The following MSH4 variants were observed in gnomAD, a reference collection of about 807,000 sequenced individuals.
MSH4 encodes mutS homolog 4.
A neutral mutation model predicts 113.7 loss-of-function variants in MSH4; 106 were observed. The ratio of observed to expected loss-of-function variants is 0.93; its 90% CI spans 0.80 to 1.10. MSH4 has a LOEUF of 1.10. Ranked by LOEUF, MSH4 falls within the 50% of genes least tolerant of loss-of-function variation. The probability of loss-of-function intolerance (pLI) is 0.00; values close to 1 mark genes in which losing one functional copy is unlikely to be tolerated. For missense variants in MSH4, 1,061 were observed against 1,093.7 expected, an observed-to-expected ratio of 0.97 and a Z score of 0.42; for synonymous variants, 368 against 380.2, an observed-to-expected ratio of 0.97 and a Z score of 0.37.
chr1:75,801,011 C>A (rs1262697484), intron 1 of MSH4, among the ~76,000 whole-genome samples: 1 of 152,058 alleles, frequency 6.6e-6, no homozygotes, highest in Non-Finnish European at 1.5e-5. Context: ...CTTTATTGAA[C>A]AATGCAGGTA....
chr1:75,854,269 A>T (rs1432995372), intron 8 of MSH4, among the ~76,000 whole-genome samples: 1 of 151,796 alleles, frequency 6.6e-6, no homozygotes, highest in Non-Finnish European at 1.5e-5. Flanking sequence ...TATATTCAGG[A>T]GGAATACCAA....
chr1:75,810,836 C>G, intron 4 of MSH4, 29 bp downstream of exon 4: 1 of 1,025,224 alleles, frequency 9.8e-7, no homozygotes, highest in South Asian at 1.6e-5. Context: ...TTGTAACATT[C>G]AAGATCTAAT....
At chr1:75,889,449 T>C (rs914711384) in intron 16 of MSH4, 80 bp downstream of exon 16, 2 of 645,906 alleles carry the variant, frequency 3.1e-6, no homozygotes, top group African/African-American at 3.8e-5. Context: ...AATATTTTTA[T>C]ACTAAAATAT....
intron 7 of MSH4, 136 bp downstream of exon 7, chr1:75,822,717 A>G (rs1650449440): frequency 2.2e-6 from 1 of 461,920 alleles, no homozygotes; most frequent in Non-Finnish European, 3.6e-6. Flanking sequence ...TATTTTCCTG[A>G]AATTTTCTAC....
chr1:75,836,939 A>G (rs1340487932), intron 7 of MSH4, among the ~76,000 whole-genome samples: 1 of 152,142 alleles, frequency 6.6e-6, no homozygotes, highest in Non-Finnish European at 1.5e-5. Context: ...CCAAATTTAC[A>G]TCTCATGCCT....
rs1652235525 is a variant in MSH4, at chr1:75,890,814, T to C, written c.2345T>C (p.Leu782Pro). The change falls in exon 17 of 20, where the codon CTG becomes CCG. Residue 782 changes from leucine (L) to proline (P), a missense_variant. Coordinates refer to ENST00000263187, the MANE Select transcript of MSH4 (RefSeq NM_002440.4). The part of the protein sequence containing the change: ...GICYAVCEYL[L>P]SLKAFTLFAT... Reference sequence around the variant, plus strand: ...TGTTATGCTGTTTGTGAATATCTACTGAGCTTAAAGGTATTCTTTTATTTT... The same window carrying C: ...TGTTATGCTGTTTGTGAATATCTACCGAGCTTAAAGGTATTCTTTTATTTT... 1 of 1,579,588 alleles carries C rather than the reference T, an allele frequency of 6.3e-7. No individual in the cohort carries two copies. Among genetic ancestry groups the C allele is most frequent in the Non-Finnish European group, 8.7e-7 (1 of 1,151,834 alleles).
chr1:75,824,621 T>G (rs1465085454), intron 7 of MSH4, among the ~76,000 whole-genome samples: 3 of 152,218 alleles, frequency 2.0e-5, no homozygotes, highest in Non-Finnish European at 2.9e-5. Context: ...CATTTAAGTC[T>G]TTAATCCATC....
intron 6 of MSH4, among the ~76,000 whole-genome samples, chr1:75,819,095 C>T (rs1431717772): frequency 6.6e-6 from 1 of 151,910 alleles, no homozygotes; most frequent in Admixed American, 6.6e-5. Flanking sequence ...TGTTTCTGTA[C>T]CTAAAATTAT....
intron 9 of MSH4, among the ~76,000 whole-genome samples, chr1:75,869,008 G>T (rs1341673734): frequency 6.6e-6 from 1 of 152,186 alleles, no homozygotes; most frequent in African/African-American, 2.4e-5. Flanking sequence ...TGGGTAACAG[G>T]CAGAGGCTGG....
chr1:75,837,364 C>G (rs4949884), intron 7 of MSH4, among the ~76,000 whole-genome samples: 30,685 of 147,190 alleles, frequency 0.21, 3,717 homozygotes, highest in African/African-American at 0.3. Context: ...TCACCTGAAA[C>G]TTAATGTACC....
At chr1:75,804,294 G>GGTTTT in intron 2 of MSH4, among the ~76,000 whole-genome samples, 1 of 152,100 alleles carries the variant, frequency 6.6e-6, no homozygotes, top group East Asian at 1.9e-4. Flanking sequence ...AGAGTAGATA[G>GGTTTT]ATAAAATAGG....
At chr1:75,832,613 A>T (rs1650726941) in intron 7 of MSH4, among the ~76,000 whole-genome samples, 1 of 152,188 alleles carries the variant, frequency 6.6e-6, no homozygotes, top group African/African-American at 2.4e-5. Context: ...TCTCCCTGGG[A>T]TGCAAGGGTG....
chr1:75,805,805 T>G (rs1216069605), intron 2 of MSH4, among the ~76,000 whole-genome samples: 1 of 152,190 alleles, frequency 6.6e-6, no homozygotes, highest in Non-Finnish European at 1.5e-5. Context: ...TCCTCATCAT[T>G]ACTAACTTCT....
chr1:75,898,085 C>T lies in MSH4; in HGVS notation c.2530+4C>T. The T allele has an allele frequency of 1.3e-6, 2 of 1,548,324 alleles. No homozygotes were observed. The highest frequency in any genetic ancestry group is 1.7e-6 in the Non-Finnish European group (2 of 1,144,706). On this transcript the variant is annotated splice_donor_region_variant and intron_variant, in intron 18 of 19. Transcript: ENST00000263187. ...CTCACAGAAGAGAAAAATTATGGTA[C>T]TGCATATAGAAATTATACCTATACA...
intron 19 of MSH4, among the ~76,000 whole-genome samples, chr1:75,911,149 T>A (rs1004160806): frequency 6.6e-6 from 1 of 151,954 alleles, no homozygotes; most frequent in Non-Finnish European, 1.5e-5. Flanking sequence ...GGGATTTGCC[T>A]TCTTAACCAG....
chr1:75,812,211 T>C (rs1650205391), intron 4 of MSH4, among the ~76,000 whole-genome samples: 1 of 152,192 alleles, frequency 6.6e-6, no homozygotes, highest in Non-Finnish European at 1.5e-5. Context: ...CTGTTCCTAC[T>C]GTCAAAGGTA....
intron 8 of MSH4, among the ~76,000 whole-genome samples, chr1:75,853,010 C>G (rs6666818): frequency 6.6e-6 from 1 of 151,982 alleles, no homozygotes; most frequent in Non-Finnish European, 1.5e-5. Flanking sequence ...GCTGAGCCTG[C>G]GTGACTTTTT....
chr1:75,816,155 G>A (rs1650287432), intron 5 of MSH4, among the ~76,000 whole-genome samples: 1 of 152,108 alleles, frequency 6.6e-6, no homozygotes, highest in Admixed American at 6.6e-5. Flanking sequence ...TTAAGTGTCA[G>A]ACTTGAACTT....
chr1:75,830,806 G>A (rs1231970400), intron 7 of MSH4, among the ~76,000 whole-genome samples: 1 of 152,068 alleles, frequency 6.6e-6, no homozygotes, highest in Non-Finnish European at 1.5e-5. Flanking sequence ...ACATGGAAAG[G>A]AACAACCAGT....
Sources: gnomAD v4.1 joint callset for allele counts (sites outside exome capture counted in the v4.1 genomes callset) on GRCh38, gnomAD v4.1.1 for gene constraint, MANE v1.5 for transcripts, NCBI Gene and HGNC (gene_info 2026-07-23, HGNC 2026-07-21) for gene names.